Variants in LRRC37A2 observed in about 807,000 individuals in gnomAD.
LRRC37A2 encodes the protein leucine rich repeat containing 37 member A2, also known as leucine-rich repeat-containing protein 37A2.
Under a neutral mutation model 68.8 loss-of-function variants are expected in LRRC37A2, and 9 were observed. The ratio of observed to expected loss-of-function variants is 0.13; its 90% CI spans 0.08 to 0.23. LRRC37A2 has a LOEUF of 0.23. LRRC37A2 is among the 10% of genes least tolerant of loss of function. The pLI is 1.00. For synonymous variants in LRRC37A2, 63 were observed against 367.6 expected (o/e 0.17, Z 9.48); for missense variants, 168 against 950.4 (o/e 0.18, Z 10.82).
the LRRC37A2 span, among the ~76,000 whole-genome samples, chr17:46,494,882 C>T: frequency 2.0e-5 from 3 of 151,092 alleles, no homozygotes. Context: ...ATTGTTGACT[C>T]TAGTCACCCT....
At chr17:46,986,829 G>A in the LRRC37A2 span, among the ~76,000 whole-genome samples, 2 of 152,118 alleles carry the variant, frequency 1.3e-5, no homozygotes, top group South Asian at 2.1e-4. Flanking sequence ...CTGCTGGGGG[G>A]AACAGTCACA....
the LRRC37A2 span, among the ~76,000 whole-genome samples, chr17:46,804,981 C>T: frequency 1.5e-5 from 2 of 136,808 alleles, no homozygotes; most frequent in South Asian, 4.9e-4. Context: ...GCTGTGGAAA[C>T]TTTGTTCTTT....
intron 6 of LRRC37A2, among the ~76,000 whole-genome samples, chr17:46,532,363 T>TA (rs1366738720): frequency 1.3e-5 from 2 of 150,466 alleles, no homozygotes; most frequent in Non-Finnish European, 2.9e-5. Flanking sequence ...TCATAAGAAA[T>TA]ACTGGTCTGT....
the LRRC37A2 span, chr17:46,933,442 T>C: frequency 1.3e-5 from 2 of 152,226 alleles, no homozygotes; most frequent in Non-Finnish European, 2.9e-5. Flanking sequence ...AACGCCAGCA[T>C]CTTCTGACAC....
the LRRC37A2 span, chr17:46,931,362 A>C: frequency 6.0e-6 from 4 of 664,046 alleles, no homozygotes; most frequent in South Asian, 7.0e-5. Context: ...GCACAATTCT[A>C]TCTGAGTGAT....
At chr17:47,020,660 G>C in the LRRC37A2 span, among the ~76,000 whole-genome samples, 79 of 149,606 alleles carry the variant, frequency 5.3e-4, no homozygotes, top group African/African-American at 1.9e-3. Flanking sequence ...TGGGTGCCTG[G>C]AGTCCCAGCT....
At chr17:46,805,104 C>T in the LRRC37A2 span, among the ~76,000 whole-genome samples, 1 of 152,094 alleles carries the variant, frequency 6.6e-6, no homozygotes, top group Non-Finnish European at 1.5e-5. Context: ...CACGAACCCA[C>T]TGGAAGGAAC....
the LRRC37A2 span, among the ~76,000 whole-genome samples, chr17:46,960,382 G>C: frequency 5.3e-5 from 8 of 152,168 alleles, no homozygotes; most frequent in Non-Finnish European, 1.5e-5. Context: ...AGAGCACCTA[G>C]AATGCTCACA....
chr17:46,714,349 T>C, the LRRC37A2 span, among the ~76,000 whole-genome samples: 2 of 152,210 alleles, frequency 1.3e-5, no homozygotes, highest in Non-Finnish European at 2.9e-5. Context: ...AGTTGAACTC[T>C]TTGGGGTCAA....
the LRRC37A2 span, among the ~76,000 whole-genome samples, chr17:46,843,826 T>C: frequency 6.6e-6 from 1 of 152,380 alleles, no homozygotes; most frequent in South Asian, 2.1e-4. Flanking sequence ...TTTATTTATG[T>C]GTCTTTCCCA....
the LRRC37A2 span, chr17:46,851,773 G>A: frequency 3.1e-5 from 29 of 923,764 alleles, no homozygotes; most frequent in Non-Finnish European, 3.6e-5. This position sits in a 1 kb window ranked among gnomAD's most constrained non-coding sequence, Gnocchi z 4.3. Flanking sequence ...TCCCTCCTGC[G>A]CTACAGCTGG....
At chr17:46,907,165 C>T in the LRRC37A2 span, among the ~76,000 whole-genome samples, 1 of 152,188 alleles carries the variant, frequency 6.6e-6, no homozygotes, top group African/African-American at 2.4e-5. Flanking sequence ...AAGTAGCCTG[C>T]CGAGGTCAAC....
the LRRC37A2 span, among the ~76,000 whole-genome samples, chr17:46,826,816 TCTATCA>T: frequency 6.9e-6 from 1 of 145,014 alleles, no homozygotes; most frequent in South Asian, 2.2e-4. Flanking sequence ...GAAGTCTCGC[TCTATCA>T]CCCAGGCTGG....
chr17:47,018,318 T>C, the LRRC37A2 span: 32 of 1,611,436 alleles, frequency 2.0e-5, no homozygotes, highest in Non-Finnish European at 2.5e-5. Flanking sequence ...GGTCGAATCT[T>C]CTCTGACCCA....
chr17:46,939,995 G>C, the LRRC37A2 span: 1 of 1,011,034 alleles, frequency 9.9e-7, no homozygotes, highest in Non-Finnish European at 1.2e-6. Flanking sequence ...AAATCCTTCA[G>C]ATCTGGAAAC....
At chr17:46,502,794 A>C in the LRRC37A2 span, among the ~76,000 whole-genome samples, 7 of 151,302 alleles carry the variant, frequency 4.6e-5, no homozygotes, top group African/African-American at 1.7e-4. Context: ...AATGTTATCC[A>C]AGGTGACAAC....
chr17:46,839,976 CTCTTCTTTCTTTCTTTTTTCTTTCTTCT>C, the LRRC37A2 span, among the ~76,000 whole-genome samples: 9 of 100,938 alleles, frequency 8.9e-5, no homozygotes, highest in Non-Finnish European at 1.5e-4. Flanking sequence ...TTCTTTCTTT[CTCTTCTTTCTTTCTTTTTTCTTTCTTCT>C]TTCTTTCTTT....
At chr17:46,989,747 CA>C in the LRRC37A2 span, among the ~76,000 whole-genome samples, 1 of 152,252 alleles carries the variant, frequency 6.6e-6, no homozygotes, top group Admixed American at 6.5e-5. Flanking sequence ...TGGTCCTCTT[CA>C]AACACTCACT....
chr17:46,972,353 A>G, the LRRC37A2 span, among the ~76,000 whole-genome samples: 2 of 151,838 alleles, frequency 1.3e-5, no homozygotes, highest in South Asian at 4.1e-4. Flanking sequence ...TTTCTAGTCC[A>G]GCTATAGTGG....
Sources: gnomAD v4.1 joint callset for allele counts (sites outside exome capture counted in the v4.1 genomes callset) on GRCh38, gnomAD v4.1.1 for gene constraint, Gnocchi (gnomAD v3.1) non-coding constraint, MANE v1.5 for transcripts, NCBI Gene and HGNC (gene_info 2026-07-23, HGNC 2026-07-21) for gene names.